Variants in SUPT6H observed in about 807,000 individuals in gnomAD.
The protein encoded by SUPT6H is SPT6 homolog, histone chaperone and transcription elongation factor, also known as transcription elongation factor SPT6.
A neutral mutation model predicts 222.3 loss-of-function variants in SUPT6H; 11 were observed. The ratio of observed to expected loss-of-function variants is 0.05; its 90% CI spans 0.03 to 0.08. The LOEUF is 0.08. Among genes scored for constraint, SUPT6H ranks in the 10% least tolerant of loss-of-function variants. SUPT6H has a pLI of 1.00. For missense variants in SUPT6H, 1,422 were observed against 2,216.0 expected (o/e 0.64, Z 7.19); for synonymous variants, 762 against 801.2 (o/e 0.95, Z 0.83).
At chr17:28,696,820 G>A (rs762145321) in intron 29 of SUPT6H, 24 bp from the exon 30 acceptor site, 8 of 1,609,234 alleles carry the variant, frequency 5.0e-6, no homozygotes, top group Middle Eastern at 1.6e-4. Context: ...CACCCAGTCT[G>A]TACTGCTTTT....
intron 1 of SUPT6H, 118 bp downstream of exon 1, chr17:28,662,460 G>GCC (rs2072073356): frequency 6.5e-6 from 1 of 152,916 alleles, no homozygotes; most frequent in Non-Finnish European, 1.5e-5. Context: ...AGAAGGGGGA[G>GCC]CCTGGCCTTC....
intron 27 of SUPT6H, among the ~76,000 whole-genome samples, chr17:28,693,267 C>T (rs374515980): frequency 1.7e-4 from 26 of 152,152 alleles, no homozygotes; most frequent in African/African-American, 6.0e-4. Flanking sequence ...TTGAGACCAG[C>T]CTGGCCAACA....
At chr17:28,675,303 T>C in intron 5 of SUPT6H, 98 bp from the exon 6 acceptor site, 1 of 1,496,926 alleles carries the variant, frequency 6.7e-7, no homozygotes, top group Non-Finnish European at 9.2e-7. Flanking sequence ...GCTTCCCTTC[T>C]CTGTTGCTCA....
rs776140129 is a variant in SUPT6H at position 28,695,573 on chromosome 17, T to C, written c.3970+26T>C. On this transcript the variant is annotated intron_variant, in intron 29 of 36. Coordinates refer to ENST00000314616, the MANE Select transcript of SUPT6H (RefSeq NM_003170.5). ...GTGAGTGTGCCTCCCACCATCTCTG[T>C]GCACCCTGCATCTTGGCAGTTCTCC... The C allele has an allele frequency of 1.1e-5, 17 of 1,602,126 alleles. No homozygotes were observed. In the South Asian group the frequency reaches 1.9e-4, roughly 18 times the overall value.
intron 24 of SUPT6H, 41 bp from the exon 25 acceptor site, chr17:28,689,313 T>C (rs1432742781): frequency 6.2e-7 from 1 of 1,603,262 alleles, no homozygotes; most frequent in Non-Finnish European, 8.5e-7. Flanking sequence ...TACTAGAAGC[T>C]TATCGTTCTA....
rs774607321 is a variant in SUPT6H, at chr17:28,688,064, C to G, written c.3007-27C>G. On this transcript the variant is annotated intron_variant, in intron 23 of 36. Coordinates refer to ENST00000314616, the MANE Select transcript of SUPT6H (RefSeq NM_003170.5). The surrounding 1 kb of genome is among the most constrained non-coding windows in gnomAD (Gnocchi z 4.3). ...GGGGAGGTGGGGCCTGCTTACTGCC[C>G]TGGCTCAGTCCAGCTCTCTCCCCCA... 2 of 1,586,630 alleles carry G rather than the reference C, an allele frequency of 1.3e-6. No homozygotes were observed. Among genetic ancestry groups the G allele is most frequent in the Middle Eastern group, 1.7e-4 (1 of 5,944 alleles).
Position 28,700,978 on chromosome 17 carries a change from C to T in SUPT6H, c.4844C>T (p.Pro1615Leu). The change falls in exon 36 of 37, where the codon CCA becomes CTA. Residue 1615 changes from proline (P) to leucine (L), a missense_variant. This residue lies in a region of SUPT6H where 395 missense variants were observed against 580.6 expected (regional missense o/e 0.68). Transcript: ENST00000314616. Reference protein sequence around the residue: ...PTPAQQPVATPLMTPSYSYTT... With the variant: ...PTPAQQPVATLLMTPSYSYTT... Reference sequence around the variant, plus strand: ...CCAGCCCAGCAGCCAGTGGCCACACCACTAATGACCCCTAGCTACTCCTAC... The same window carrying T: ...CCAGCCCAGCAGCCAGTGGCCACACTACTAATGACCCCTAGCTACTCCTAC... 1 of 1,613,778 alleles carries T rather than the reference C, an allele frequency of 6.2e-7. No individual in the cohort carries two copies. Among genetic ancestry groups the T allele is most frequent in the Non-Finnish European group, 8.5e-7 (1 of 1,179,730 alleles).
intron 1 of SUPT6H, among the ~76,000 whole-genome samples, chr17:28,663,606 G>A (rs1274541151): frequency 6.6e-6 from 1 of 151,916 alleles, no homozygotes; most frequent in Non-Finnish European, 1.5e-5. Context: ...CTTCCTTCCT[G>A]TCCACTATTT....
intron 12 of SUPT6H, among the ~76,000 whole-genome samples, chr17:28,681,668 A>C (rs969145633): frequency 6.6e-6 from 1 of 151,410 alleles, no homozygotes; most frequent in Non-Finnish European, 1.5e-5. Context: ...AGTTGAGATC[A>C]TGCCACTGCA....
At chr17:28,687,971 G>A (rs2151643884) in intron 23 of SUPT6H, 120 bp from the exon 24 acceptor site, 2 of 1,054,220 alleles carry the variant, frequency 1.9e-6, no homozygotes, top group Non-Finnish European at 2.6e-6. Flanking sequence ...GCATGCTGTA[G>A]TGCTCAACTA....
At chr17:28,674,798 T>G (rs1210847825) in intron 4 of SUPT6H, 172 bp from the exon 5 acceptor site, 1 of 970,900 alleles carries the variant, frequency 1.0e-6, no homozygotes, top group African/African-American at 1.6e-5. Context: ...GAGAAAGTCT[T>G]GTCCAAGTTT....
At chr17:28,689,273 C>A in intron 24 of SUPT6H, 81 bp from the exon 25 acceptor site, 2 of 1,335,492 alleles carry the variant, frequency 1.5e-6, no homozygotes, top group African/African-American at 1.4e-5. Flanking sequence ...TTTATTTAAC[C>A]AGTTCCCCAT....
chr17:28,673,795 CT>C (rs1282791875), intron 2 of SUPT6H, among the ~76,000 whole-genome samples: 1 of 152,186 alleles, frequency 6.6e-6, no homozygotes, highest in Admixed American at 6.5e-5. Context: ...GTATATAATA[CT>C]TTCTGCTTTT....
intron 35 of SUPT6H, 79 bp from the exon 36 acceptor site, chr17:28,700,862 C>G: frequency 6.6e-7 from 1 of 1,508,278 alleles, no homozygotes; most frequent in Non-Finnish European, 9.0e-7. Flanking sequence ...CTGAGCCCAC[C>G]CTTGCGCTTA....
In SUPT6H at chr17:28,692,918, G is replaced by C. The variant is rs1193464381; in HGVS notation, c.3634-778G>C. Among the ~76,000 whole-genome samples, 11 of 147,484 alleles carry C rather than the reference G, an allele frequency of 7.5e-5. 2 individuals carry two copies. The highest frequency in any genetic ancestry group is 1.2e-4 in the Non-Finnish European group (8 of 66,916). On this transcript the variant is annotated intron_variant, in intron 27 of 36. Coordinates refer to ENST00000314616, the MANE Select transcript of SUPT6H (RefSeq NM_003170.5). ...CGGGAGGCAGAGGCAGGAGAATGGC[G>C]TGAACCCGGGAGGCAGAGCTTGCAG...
chr17:28,668,762 G>A (rs1206753569), intron 1 of SUPT6H, among the ~76,000 whole-genome samples: 1 of 152,200 alleles, frequency 6.6e-6, no homozygotes, highest in African/African-American at 2.4e-5. Context: ...AACAAGCTAT[G>A]TGTGGGGGCT....
At position 28,675,061 on chromosome 17, in the gene SUPT6H, C is replaced by T. The variant is rs1174085900; in HGVS notation, c.437C>T (p.Ala146Val). ...GAGGAACATGAAAAAGAAGCTATTG[C>T]GGAAGAAATCTTCCAGGATGGGGAA... ...GKEEHEKEAI[A>V]EEIFQDGEGE... Residue 146 changes from alanine to valine, a missense_variant, in exon 5 of 37, where the codon GCG becomes GTG. This residue lies in a region of SUPT6H where 389 missense variants were observed against 544.6 expected (regional missense o/e 0.71). Coordinates refer to ENST00000314616, the MANE Select transcript of SUPT6H (RefSeq NM_003170.5). 1.9e-6 allele frequency: 3 copies of T among 1,613,868 alleles called. No homozygotes were observed. Among genetic ancestry groups the T allele is most frequent in the Non-Finnish European group, 2.5e-6 (3 of 1,180,006 alleles).
At chr17:28,668,535 G>A (rs145485733) in intron 1 of SUPT6H, among the ~76,000 whole-genome samples, 146 of 152,324 alleles carry the variant, frequency 9.6e-4, no homozygotes, top group African/African-American at 3.4e-3. Flanking sequence ...TAACCTAGGC[G>A]ATGGGAAGAA....
chr17:28,670,894 AAAAG>A lies in SUPT6H; in HGVS notation c.-31-2469_-31-2466del, dbSNP rs375796924. 221 of 153,298 alleles carry A rather than the reference AAAAG, an allele frequency of 1.4e-3. 1 individual carries two copies. Among genetic ancestry groups the A allele is most frequent in the African/African-American group, 4.6e-3 (190 of 41,550 alleles). The allele number at this position is 153,298 out of a possible 1,614,324, so 9.5% of individuals were successfully genotyped here. A position where few individuals can be genotyped will look rare whatever the true frequency, so the allele number is the denominator to read the frequency against. On this transcript the variant is annotated intron_variant, in intron 1 of 36. Coordinates refer to ENST00000314616, the MANE Select transcript of SUPT6H (RefSeq NM_003170.5). ...GAGCGAAACTCCATCTCAAAAAAAAAAAAGAAAGAAAATGAACAATTCTCTTCAA... is the reference window on the plus strand; with the variant it reads ...GAGCGAAACTCCATCTCAAAAAAAAAAAAGAAAATGAACAATTCTCTTCAA...
Sources: gnomAD v4.1 joint callset for allele counts (sites outside exome capture counted in the v4.1 genomes callset) on GRCh38, gnomAD v4.1.1 for gene constraint, gnomAD v4.1.1 regional missense constraint, Gnocchi (gnomAD v3.1) non-coding constraint, MANE v1.5 for transcripts, NCBI Gene and HGNC (gene_info 2026-07-23, HGNC 2026-07-21) for gene names.